The following ESR1 variants were observed in gnomAD, a reference collection of about 807,000 sequenced individuals.
ESR1 encodes the protein estrogen receptor 1.
Under a neutral mutation model 52.7 loss-of-function variants are expected in ESR1, and 12 were observed. That is an observed-to-expected ratio of 0.23 (90% CI 0.15 to 0.37). The LOEUF (loss-of-function observed/expected upper bound fraction) is 0.37. Ranked by LOEUF, ESR1 falls within the 10% of genes least tolerant of loss-of-function variation. The pLI is 1.00. For synonymous variants in ESR1, 305 were observed against 316.8 expected, an observed-to-expected ratio of 0.96 and a Z score of 0.39; for missense variants, 584 against 779.7, an observed-to-expected ratio of 0.75 and a Z score of 2.99.
intron 1 of ESR1, among the ~76,000 whole-genome samples, chr6:151,840,288 A>G (rs1362101339): frequency 6.6e-6 from 1 of 152,222 alleles, no homozygotes; most frequent in African/African-American, 2.4e-5. Flanking sequence ...TAAACAAGCA[A>G]TAAAAAGATT....
intron 6 of ESR1, among the ~76,000 whole-genome samples, chr6:152,123,573 T>C (rs2052226269): frequency 6.6e-6 from 1 of 152,236 alleles, no homozygotes; most frequent in African/African-American, 2.4e-5. Context: ...AGTTGGGTGC[T>C]ACTGTTTTCT....
chr6:152,092,587 G>T (rs966319023), intron 6 of ESR1, among the ~76,000 whole-genome samples: 4 of 152,168 alleles, frequency 2.6e-5, no homozygotes, highest in African/African-American at 9.7e-5. Context: ...GAAGGAATTT[G>T]TTTGTGAGAT....
At chr6:152,129,272 T>G (rs900093237) in exon 7 of ESR1, 2 of 152,362 alleles carry the variant, frequency 1.3e-5, no homozygotes, top group African/African-American at 4.8e-5. Flanking sequence ...CATCATAACA[T>G]AAGCGCTTTC....
At chr6:151,722,623 A>G (rs1439537769) in intron 2 of ESR1, among the ~76,000 whole-genome samples, 2 of 152,266 alleles carry the variant, frequency 1.3e-5, no homozygotes, top group African/African-American at 4.8e-5. Flanking sequence ...ACAACTTTGC[A>G]TATAGCCACT....
intron 2 of ESR1, among the ~76,000 whole-genome samples, chr6:151,788,003 A>T (rs984302718): frequency 6.6e-6 from 1 of 152,210 alleles, no homozygotes; most frequent in African/African-American, 2.4e-5. Flanking sequence ...AAACTCTAAG[A>T]ACCCTGGAAG....
At chr6:151,784,698 T>A (rs2128125402) in intron 2 of ESR1, among the ~76,000 whole-genome samples, 1 of 152,352 alleles carries the variant, frequency 6.6e-6, no homozygotes, top group African/African-American at 2.4e-5. Context: ...TAACTTCCCC[T>A]CCTGGGTTCC....
intron 2 of ESR1, among the ~76,000 whole-genome samples, chr6:151,738,211 G>C (rs556226291): frequency 6.6e-6 from 1 of 152,272 alleles, no homozygotes; most frequent in South Asian, 2.1e-4. Context: ...GATTTGATTT[G>C]TGAATGATTT....
intron 2 of ESR1, among the ~76,000 whole-genome samples, chr6:151,703,092 T>G (rs1582944726): frequency 6.6e-6 from 1 of 152,198 alleles, no homozygotes; most frequent in East Asian, 1.9e-4. Flanking sequence ...GAAACCTGAC[T>G]TCACTAAAAA....
intron 2 of ESR1, among the ~76,000 whole-genome samples, chr6:151,719,535 T>G (rs775388923): frequency 1.3e-5 from 2 of 152,150 alleles, no homozygotes; most frequent in African/African-American, 2.4e-5. Flanking sequence ...TCCATTGTAC[T>G]TGGAGCCCAG....
At chr6:151,690,904 G>C (rs551500939) in intron 1 of ESR1, among the ~76,000 whole-genome samples, 1 of 152,320 alleles carries the variant, frequency 6.6e-6, no homozygotes, top group East Asian at 1.9e-4. Flanking sequence ...AGCTGAGGCA[G>C]AGGGCAATCC....
At chr6:151,863,722 A>C (rs1281675879) in intron 2 of ESR1, among the ~76,000 whole-genome samples, 2 of 152,194 alleles carry the variant, frequency 1.3e-5, no homozygotes, top group Non-Finnish European at 1.5e-5. Flanking sequence ...GATATAGACC[A>C]ATGGAACAGA....
intron 5 of ESR1, among the ~76,000 whole-genome samples, chr6:152,026,489 T>G (rs1023755262): frequency 1.3e-5 from 2 of 152,018 alleles, no homozygotes; most frequent in African/African-American, 4.8e-5. Context: ...CTATTTTACA[T>G]AGTCTACAAT....
At chr6:151,841,404 T>A (rs1026418413) in intron 1 of ESR1, among the ~76,000 whole-genome samples, 2 of 152,246 alleles carry the variant, frequency 1.3e-5, no homozygotes, top group Admixed American at 1.3e-4. Flanking sequence ...GCTAAGAGTC[T>A]GCTTTGTCAG....
At position 152,098,781 on chromosome 6, in the gene ESR1, C is replaced by A. The variant is rs2152506494; in HGVS notation, c.1603C>A (p.Pro535Thr). The change falls in exon 8 of 8, where the codon CCC (proline) becomes ACC (threonine). Residue 535 changes from proline to threonine, a missense_variant. Pro to Thr is a conservative substitution (Grantham distance 38, BLOSUM62 -1). This residue lies in a region of ESR1 where 141 missense variants were observed against 289.3 expected (regional missense o/e 0.49). Transcript: ENST00000206249. The surrounding 1 kb of genome is among the most constrained non-coding windows in gnomAD (Gnocchi z 5.1). ...CAGCATGAAGTGCAAGAACGTGGTGCCCCTCTATGACCTGCTGCTGGAGAT... is the reference window on the plus strand; with the variant it reads ...CAGCATGAAGTGCAAGAACGTGGTGACCCTCTATGACCTGCTGCTGGAGAT... Reference protein sequence around the residue: ...LYSMKCKNVVPLYDLLLEMLD... With the variant: ...LYSMKCKNVVTLYDLLLEMLD... 6.2e-7 allele frequency: 1 copy of A among 1,614,136 alleles called. No individual in the cohort carries two copies. Among genetic ancestry groups the A allele is most frequent in the East Asian group, 2.2e-5 (1 of 44,866 alleles).
At chr6:151,696,660 C>G (rs1396663345) in intron 1 of ESR1, among the ~76,000 whole-genome samples, 1 of 152,116 alleles carries the variant, frequency 6.6e-6, no homozygotes, top group Non-Finnish European at 1.5e-5. Flanking sequence ...TAGACAATCT[C>G]TATCAGGTGT....
intron 1 of ESR1, among the ~76,000 whole-genome samples, chr6:151,661,850 C>T (rs145836932): frequency 2.1e-4 from 32 of 152,212 alleles, no homozygotes; most frequent in African/African-American, 6.8e-4. Context: ...CTATGTAAGA[C>T]GTGCCTTGTT....
intron 2 of ESR1, among the ~76,000 whole-genome samples, chr6:151,737,257 T>C (rs1349951079): frequency 6.6e-6 from 1 of 152,228 alleles, no homozygotes; most frequent in African/African-American, 2.4e-5. Flanking sequence ...GACGTATGTT[T>C]GGTTATTTCT....
chr6:151,899,278 G>A (rs1331396769), intron 3 of ESR1, among the ~76,000 whole-genome samples: 8 of 133,296 alleles, frequency 6.0e-5, no homozygotes, highest in African/African-American at 1.7e-4. Flanking sequence ...CCTCCCGGAC[G>A]GGGCGGCTGG....
In ESR1 at chr6:152,112,109, C is replaced by T. The variant is rs1234215609; in HGVS notation, c.851-13157C>T. 2.0e-5 allele frequency among the ~76,000 whole-genome samples: 3 copies of T among 152,062 alleles called. No individual in the cohort carries two copies. The East Asian group carries it at 5.8e-4, about 29-fold the overall frequency. On this transcript the variant is annotated intron_variant, in intron 6 of 6. Transcript: ENST00000427531. ...TTTAGTTACTTGGCAATGTTGGTAC[C>T]CACTGGTTTTAGCCCAGCATCACAA...
Sources: allele counts gnomAD v4.1 joint callset (sites outside exome capture counted in the v4.1 genomes callset), GRCh38; gene constraint gnomAD v4.1.1; regional missense constraint gnomAD v4.1.1; non-coding constraint Gnocchi (gnomAD v3.1); transcripts MANE v1.5; gene names NCBI Gene and HGNC (gene_info 2026-07-23, HGNC 2026-07-21).